Variants in TENM3 observed in about 807,000 individuals in gnomAD.
TENM3 encodes teneurin-3.
A neutral mutation model predicts 255.1 loss-of-function variants in TENM3; 63 were observed. The observed-to-expected ratio is 0.25, with a 90% confidence interval of 0.20 to 0.30. The LOEUF is 0.30. Ranked by LOEUF, TENM3 falls within the 10% of genes least tolerant of loss-of-function variation. TENM3 has a pLI of 1.00. For synonymous variants in TENM3, 1,306 were observed against 1,322.3 expected, an observed-to-expected ratio of 0.99 and a Z score of 0.27; for missense variants, 2,929 against 3,461.1, an observed-to-expected ratio of 0.85 and a Z score of 3.86.
chr4:181,971,579 T>G, the TENM3 span, among the ~76,000 whole-genome samples: 846 of 151,746 alleles, frequency 5.6e-3, 4 homozygotes, highest in African/African-American at 0.019. Flanking sequence ...TTTGGTTTTG[T>G]TTTTGGAGAC....
the TENM3 span, among the ~76,000 whole-genome samples, chr4:181,826,887 C>T: frequency 1.3e-5 from 2 of 152,162 alleles, no homozygotes; most frequent in African/African-American, 2.4e-5. Flanking sequence ...TTCTGTTGTT[C>T]GTCCCCACTG....
intron 3 of TENM3, among the ~76,000 whole-genome samples, chr4:182,457,531 A>G (rs982753709): frequency 1.3e-4 from 19 of 151,082 alleles, no homozygotes; most frequent in African/African-American, 4.4e-4. Context: ...TTGAACCCAG[A>G]CATGCAAATA....
chr4:181,861,893 T>C, the TENM3 span, among the ~76,000 whole-genome samples: 1 of 152,178 alleles, frequency 6.6e-6, no homozygotes, highest in South Asian at 2.1e-4. Context: ...ATAATTTCAC[T>C]GTCAGCAAGA....
At chr4:182,712,694 G>C (rs1758844192) in intron 12 of TENM3, among the ~76,000 whole-genome samples, 1 of 152,104 alleles carries the variant, frequency 6.6e-6, no homozygotes, top group Admixed American at 6.6e-5. Context: ...TGGAGGAGGG[G>C]ACACCAATAT....
chr4:181,667,329 A>G, the TENM3 span, among the ~76,000 whole-genome samples: 1 of 152,040 alleles, frequency 6.6e-6, no homozygotes, highest in Non-Finnish European at 1.5e-5. Context: ...TCCAAAACAG[A>G]CCTTTCTTCA....
chr4:182,365,758 C>A (rs1331790541), intron 3 of TENM3, among the ~76,000 whole-genome samples: 1 of 152,174 alleles, frequency 6.6e-6, no homozygotes, highest in African/African-American at 2.4e-5. Flanking sequence ...CTCATACGTT[C>A]AGAGAAATGC....
At chr4:181,525,396 C>CAAAAAAAAAAAAAAAAA in the TENM3 span, among the ~76,000 whole-genome samples, 9 of 97,290 alleles carry the variant, frequency 9.3e-5, no homozygotes, top group African/African-American at 1.5e-4. Context: ...GACCCTGTTT[C>CAAAAAAAAAAAAAAAAA]AAAAAAAAAA....
chr4:181,977,158 T>G, the TENM3 span, among the ~76,000 whole-genome samples: 6 of 152,324 alleles, frequency 3.9e-5, no homozygotes, highest in African/African-American at 1.4e-4. Flanking sequence ...GTACTTTGCC[T>G]CTCTGTGTTT....
the TENM3 span, among the ~76,000 whole-genome samples, chr4:182,086,576 G>T: frequency 6.6e-6 from 1 of 152,070 alleles, no homozygotes; most frequent in South Asian, 2.1e-4. Flanking sequence ...TCATTTTATG[G>T]GCTTTTTGTA....
chr4:182,079,541 C>T, the TENM3 span: 15 of 151,970 alleles, frequency 9.9e-5, no homozygotes, highest in Non-Finnish European at 8.8e-5. Flanking sequence ...TAGGAAGTGA[C>T]AACCAGACCA....
At chr4:182,223,519 G>C (rs1755964327) in intron 1 of TENM3, among the ~76,000 whole-genome samples, 1 of 152,062 alleles carries the variant, frequency 6.6e-6, no homozygotes, top group Non-Finnish European at 1.5e-5. Flanking sequence ...TTGATTACAT[G>C]CTTACACCTT....
At chr4:182,676,489 C>T (rs748980476) in intron 7 of TENM3, among the ~76,000 whole-genome samples, 2 of 152,186 alleles carry the variant, frequency 1.3e-5, no homozygotes, top group African/African-American at 2.4e-5. Context: ...TGTAAAATCT[C>T]TTTAGTCTCT....
intron 3 of TENM3, among the ~76,000 whole-genome samples, chr4:182,480,657 A>C (rs2151510365): frequency 6.6e-6 from 1 of 152,180 alleles, no homozygotes; most frequent in Non-Finnish European, 1.5e-5. Context: ...TATCTTTGAA[A>C]ACAGTACTAT....
the TENM3 span, among the ~76,000 whole-genome samples, chr4:182,032,084 C>T: frequency 8.5e-5 from 13 of 152,128 alleles, no homozygotes; most frequent in South Asian, 2.1e-4. Flanking sequence ...ACTTCCAATA[C>T]TATGTTGAAT....
chr4:182,449,341 G>T (rs1310066920), intron 3 of TENM3, among the ~76,000 whole-genome samples: 1 of 148,484 alleles, frequency 6.7e-6, no homozygotes, highest in Non-Finnish European at 1.5e-5. Flanking sequence ...ACCCCTGAGG[G>T]ACCACATTTA....
the TENM3 span, among the ~76,000 whole-genome samples, chr4:182,057,624 C>G: frequency 2.6e-5 from 4 of 151,822 alleles, no homozygotes; most frequent in African/African-American, 9.7e-5. Context: ...TGGTCTCCAA[C>G]TCCTGGCCTC....
chr4:182,599,118 T>G (rs1560983490), intron 3 of TENM3, among the ~76,000 whole-genome samples: 2 of 152,212 alleles, frequency 1.3e-5, no homozygotes, highest in Non-Finnish European at 2.9e-5. Context: ...TTAGTCATGC[T>G]ATCAGCAATT....
At chr4:182,654,150 A>G (rs1239673281) in intron 6 of TENM3, among the ~76,000 whole-genome samples, 1 of 152,104 alleles carries the variant, frequency 6.6e-6, no homozygotes. Flanking sequence ...CTGCAGATGT[A>G]TATTGAGTTT....
Position 182,755,130 on chromosome 4 carries a change from C to T in TENM3, c.4763C>T (p.Thr1588Ile). The T allele has an allele frequency of 1.2e-6, 2 of 1,613,872 alleles. No individual in the cohort carries two copies. Among genetic ancestry groups the T allele is most frequent in the Middle Eastern group, 1.6e-4 (1 of 6,062 alleles). ...CCTGATAACCAAGTGATATGGTTGA[C>T]AATAGGAACAAATGGATGTTTGAAA... Reference protein sequence around the residue: ...VSPDNQVIWLTIGTNGCLKSM... With the variant: ...VSPDNQVIWLIIGTNGCLKSM... Residue 1588 changes from threonine to isoleucine, a missense_variant, in exon 22 of 28, where the codon ACA (threonine) becomes ATA (isoleucine). Transcript: ENST00000511685.
Sources: gnomAD v4.1 joint callset for allele counts (sites outside exome capture counted in the v4.1 genomes callset) on GRCh38, gnomAD v4.1.1 for gene constraint, MANE v1.5 for transcripts, NCBI Gene and HGNC (gene_info 2026-07-23, HGNC 2026-07-21) for gene names.